The following KIF6 variants were observed in gnomAD, a reference collection of about 807,000 sequenced individuals.
KIF6 encodes the protein kinesin family member 6.
A neutral mutation model predicts 112.7 loss-of-function variants in KIF6; 106 were observed. The ratio of observed to expected loss-of-function variants is 0.94; its 90% CI spans 0.80 to 1.11. KIF6 has a LOEUF of 1.11. KIF6 is among the 50% of genes least tolerant of loss of function. The pLI is 0.00. For missense variants in KIF6, 929 were observed against 964.0 expected, an observed-to-expected ratio of 0.96 and a Z score of 0.48; for synonymous variants, 339 against 339.9, an observed-to-expected ratio of 1.00 and a Z score of 0.03.
intron 13 of KIF6, among the ~76,000 whole-genome samples, chr6:39,509,489 G>A (rs1035469864): frequency 9.2e-5 from 14 of 152,148 alleles, no homozygotes; most frequent in African/African-American, 3.4e-4. Context: ...TTGAAAAAAG[G>A]TTAGACAAAT....
At chr6:39,542,226 A>G (rs1778827935) in intron 12 of KIF6, among the ~76,000 whole-genome samples, 2 of 152,124 alleles carry the variant, frequency 1.3e-5, no homozygotes, top group South Asian at 2.1e-4. Flanking sequence ...CGCAATACGA[A>G]TCTATCTTCT....
At chr6:39,570,664 C>A (rs1031447523) in intron 10 of KIF6, among the ~76,000 whole-genome samples, 2 of 152,006 alleles carry the variant, frequency 1.3e-5, no homozygotes, top group Non-Finnish European at 2.9e-5. Context: ...GGGTGTTTAC[C>A]CCCATGCTGT....
chr6:39,680,433 G>A (rs964613566), intron 3 of KIF6, among the ~76,000 whole-genome samples: 6 of 152,172 alleles, frequency 3.9e-5, no homozygotes, highest in African/African-American at 1.2e-4. Flanking sequence ...GCACTGACTG[G>A]TTTAGATAGG....
At chr6:39,610,324 G>T (rs1783148175) in intron 6 of KIF6, among the ~76,000 whole-genome samples, 1 of 152,208 alleles carries the variant, frequency 6.6e-6, no homozygotes, top group African/African-American at 2.4e-5. Context: ...TAAATAAGAA[G>T]AGGCTGAAGC....
intron 3 of KIF6, among the ~76,000 whole-genome samples, chr6:39,677,622 G>A (rs369662894): frequency 2.8e-5 from 4 of 142,148 alleles, no homozygotes; most frequent in East Asian, 2.0e-4. Context: ...ATGCTGGTGC[G>A]CTGCACCCAC....
At chr6:39,539,293 C>G (rs903445647) in intron 13 of KIF6, among the ~76,000 whole-genome samples, 29 of 151,472 alleles carry the variant, frequency 1.9e-4, no homozygotes, top group Non-Finnish European at 1.5e-4. Flanking sequence ...CTGCCAAATG[C>G]TATTACGTGA....
At chr6:39,397,126 C>A (rs1768332085) in intron 15 of KIF6, among the ~76,000 whole-genome samples, 1 of 152,068 alleles carries the variant, frequency 6.6e-6, no homozygotes, top group Non-Finnish European at 1.5e-5. Flanking sequence ...CTGACTCCAA[C>A]TTTTTACAAA....
At chr6:39,683,117 G>A (rs185982866) in intron 3 of KIF6, among the ~76,000 whole-genome samples, 3 of 152,314 alleles carry the variant, frequency 2.0e-5, no homozygotes, top group Admixed American at 2.0e-4. Context: ...TTACAAACAA[G>A]GTATAGTCTG....
chr6:39,622,378 T>C (rs1248800096), intron 5 of KIF6, among the ~76,000 whole-genome samples: 3 of 152,176 alleles, frequency 2.0e-5, no homozygotes, highest in Admixed American at 1.3e-4. Flanking sequence ...TTTTAACACA[T>C]AAAAGTTTAA....
At chr6:39,606,191 G>A (rs1782876144) in intron 6 of KIF6, among the ~76,000 whole-genome samples, 1 of 150,196 alleles carries the variant, frequency 6.7e-6, no homozygotes, top group Non-Finnish European at 1.5e-5. Context: ...ACTTCTAATG[G>A]CACTTTAATC....
intron 13 of KIF6, among the ~76,000 whole-genome samples, chr6:39,508,289 A>G (rs936267413): frequency 6.6e-6 from 1 of 152,028 alleles, no homozygotes; most frequent in Non-Finnish European, 1.5e-5. Flanking sequence ...GCTCCCAGCG[A>G]GACTGACACA....
At chr6:39,425,146 A>G (rs775683282) in intron 14 of KIF6, among the ~76,000 whole-genome samples, 4 of 152,216 alleles carry the variant, frequency 2.6e-5, no homozygotes, top group Non-Finnish European at 4.4e-5. Context: ...TCAGTCCCCA[A>G]GAGCCTCTGC....
intron 3 of KIF6, among the ~76,000 whole-genome samples, chr6:39,660,137 CCT>C (rs1272991352): frequency 6.6e-6 from 1 of 151,964 alleles, no homozygotes; most frequent in African/African-American, 2.4e-5. Context: ...AGAGTGAGAC[CCT>C]GTCTCTAAAA....
At chr6:39,648,287 C>T (rs1211890198) in intron 3 of KIF6, among the ~76,000 whole-genome samples, 2 of 151,740 alleles carry the variant, frequency 1.3e-5, no homozygotes, top group Admixed American at 1.3e-4. Context: ...GGTGATCCAC[C>T]CACCTTGGCC....
At chr6:39,710,609 AAAG>A (rs1194998885) in intron 3 of KIF6, among the ~76,000 whole-genome samples, 3 of 152,162 alleles carry the variant, frequency 2.0e-5, no homozygotes, top group Non-Finnish European at 4.4e-5. Flanking sequence ...TTAGAGGGAT[AAAG>A]AAGAATTCAC....
chr6:39,347,770 T>C (rs537158126), intron 19 of KIF6, among the ~76,000 whole-genome samples: 2 of 152,322 alleles, frequency 1.3e-5, no homozygotes, highest in African/African-American at 4.8e-5. Context: ...CTCATGAGTA[T>C]GGCCCCTTCC....
intron 16 of KIF6, among the ~76,000 whole-genome samples, chr6:39,369,277 A>G (rs1377811239): frequency 1.3e-5 from 2 of 152,062 alleles, no homozygotes; most frequent in African/African-American, 4.8e-5. Flanking sequence ...TGATTTTGTA[A>G]CACCTTAGCG....
chr6:39,349,629 C>CGCTTTTTTTTTTTT (rs1581641098), intron 19 of KIF6, among the ~76,000 whole-genome samples: 1 of 98,166 alleles, frequency 1.0e-5, no homozygotes, highest in East Asian at 4.7e-4. Flanking sequence ...TAATTTGTGG[C>CGCTTTTTTTTTTTT]TCTTTTTTTT....
At chr6:39,591,934 AAC>A (rs1178668468) in intron 7 of KIF6, among the ~76,000 whole-genome samples, 1 of 152,094 alleles carries the variant, frequency 6.6e-6, no homozygotes, top group Non-Finnish European at 1.5e-5. Flanking sequence ...AACATGGTGA[AAC>A]CCCATCTTTA....
Sources: allele counts gnomAD v4.1 joint callset (sites outside exome capture counted in the v4.1 genomes callset), GRCh38; gene constraint gnomAD v4.1.1; transcripts MANE v1.5; gene names NCBI Gene and HGNC (gene_info 2026-07-23, HGNC 2026-07-21).